The following XKR6 variants were observed in gnomAD, a reference collection of about 807,000 sequenced individuals.
XKR6 encodes the protein XK-related protein 6.
XKR6 carries 22 observed loss-of-function variants against 56.7 expected under a neutral mutation model. The ratio of observed to expected loss-of-function variants is 0.39; its 90% CI spans 0.28 to 0.55. The LOEUF (loss-of-function observed/expected upper bound fraction) is 0.55, where lower values mean the gene tolerates loss of function less well. Among genes scored for constraint, XKR6 ranks in the 20% least tolerant of loss-of-function variants. The probability of loss-of-function intolerance (pLI) is 0.66; values close to 1 mark genes in which losing one functional copy is unlikely to be tolerated. For synonymous variants in XKR6, 524 were observed against 387.8 expected, an observed-to-expected ratio of 1.35 and a Z score of -4.13; for missense variants, 852 against 889.0, an observed-to-expected ratio of 0.96 and a Z score of 0.53.
intron 1 of XKR6, among the ~76,000 whole-genome samples, chr8:11,179,020 CTTTT>C (rs35214787): frequency 9.6e-6 from 1 of 104,518 alleles, no homozygotes; most frequent in Admixed American, 9.7e-5. Context: ...TTTTCTTTTT[CTTTT>C]TTTTTTTTTT....
intron 1 of XKR6, among the ~76,000 whole-genome samples, chr8:10,986,325 G>C (rs749465170): frequency 5.5e-4 from 84 of 152,194 alleles, no homozygotes; most frequent in Non-Finnish European, 5.0e-4. Flanking sequence ...GACAGAATTA[G>C]AAAATAAATA....
chr8:11,027,651 G>A (rs1299912201), intron 1 of XKR6, among the ~76,000 whole-genome samples: 1 of 152,210 alleles, frequency 6.6e-6, no homozygotes, highest in African/African-American at 2.4e-5. Context: ...AGTGGCTCAA[G>A]GCCTTGCAGC....
chr8:11,021,072 T>C (rs1454842587), intron 1 of XKR6, among the ~76,000 whole-genome samples: 1 of 152,116 alleles, frequency 6.6e-6, no homozygotes, highest in Non-Finnish European at 1.5e-5. Flanking sequence ...CTTCTGGCTT[T>C]AAGATACGTC....
Position 11,146,271 on chromosome 8 carries a change from C to A in XKR6, c.764+54305G>T, listed in dbSNP as rs553413594. Reference sequence around the variant, plus strand: ...GTAGAAGAAAATTATAGGAGAAAATCTTTGTGCCCTTGGGCTTGACAAAGA... The same window carrying A: ...GTAGAAGAAAATTATAGGAGAAAATATTTGTGCCCTTGGGCTTGACAAAGA... On this transcript the variant is annotated intron_variant, in intron 1 of 2. Transcript: ENST00000416569. Among the ~76,000 whole-genome samples the A allele has an allele frequency of 5.3e-5, 8 of 152,250 alleles. No individual in the cohort carries two copies. In the South Asian group the frequency reaches 1.0e-3, roughly 20 times the overall value.
chr8:11,007,988 G>A (rs1026974688), intron 1 of XKR6, among the ~76,000 whole-genome samples: 2 of 152,160 alleles, frequency 1.3e-5, no homozygotes, highest in South Asian at 4.1e-4. Flanking sequence ...CTGGATGTGT[G>A]GGTGCTCCCT....
chr8:10,901,933 C>T (rs1395529910), intron 2 of XKR6, among the ~76,000 whole-genome samples: 1 of 152,210 alleles, frequency 6.6e-6, no homozygotes, highest in Non-Finnish European at 1.5e-5. Flanking sequence ...AATTCAAATG[C>T]TCATCAGCCA....
chr8:10,999,726 G>A (rs922834611), intron 1 of XKR6, among the ~76,000 whole-genome samples: 2 of 152,202 alleles, frequency 1.3e-5, no homozygotes, highest in Non-Finnish European at 2.9e-5. Flanking sequence ...GACCAAACAA[G>A]GAGGTAGCAT....
At chr8:10,919,097 G>A (rs1366330554) in intron 2 of XKR6, among the ~76,000 whole-genome samples, 1 of 152,114 alleles carries the variant, frequency 6.6e-6, no homozygotes, top group East Asian at 1.9e-4. Context: ...TTCCCAATTG[G>A]GGCCCTGCCT....
At position 11,104,455 on chromosome 8, in the gene XKR6, A is replaced by C. The variant is rs536788220; in HGVS notation, c.764+96121T>G. 5.4e-4 allele frequency among the ~76,000 whole-genome samples: 82 copies of C among 152,390 alleles called. 1 individual carries two copies. Among genetic ancestry groups the C allele is most frequent in the African/African-American group, 1.9e-3 (79 of 41,600 alleles). On this transcript the variant is annotated intron_variant, in intron 1 of 2. Transcript: ENST00000416569. ...CGAGATATAAAAATGGGTATTCAGCATAAATTTCTCTGGAAAATGTCCTTC... is the reference window on the plus strand; with the variant it reads ...CGAGATATAAAAATGGGTATTCAGCCTAAATTTCTCTGGAAAATGTCCTTC...
chr8:11,143,131 A>G lies in XKR6; in HGVS notation c.764+57445T>C, dbSNP rs1800787826. ...CAAAGTCAAATACCACCATTTTACA[A>G]TCCTTAATAAATTAATAAATCTAGG... On this transcript the variant is annotated intron_variant, in intron 1 of 2. Transcript: ENST00000416569. 2.0e-5 allele frequency among the ~76,000 whole-genome samples: 3 copies of G among 152,242 alleles called. No individual in the cohort carries two copies. In the South Asian group the frequency reaches 6.2e-4, roughly 32 times the overall value.
At chr8:11,046,895 C>A (rs1432895070) in intron 1 of XKR6, among the ~76,000 whole-genome samples, 1 of 151,930 alleles carries the variant, frequency 6.6e-6, no homozygotes, top group East Asian at 1.9e-4. Context: ...AAACCAGGCA[C>A]AGAAAGACAA....
At chr8:10,949,919 A>G (rs1272508518) in intron 1 of XKR6, among the ~76,000 whole-genome samples, 5 of 152,208 alleles carry the variant, frequency 3.3e-5, no homozygotes, top group East Asian at 3.9e-4. Context: ...GTCTTGACTC[A>G]GGGGTCTGCA....
At chr8:11,198,340 C>T (rs1162054876) in intron 1 of XKR6, among the ~76,000 whole-genome samples, 3 of 151,936 alleles carry the variant, frequency 2.0e-5, no homozygotes, top group Non-Finnish European at 4.4e-5. Flanking sequence ...GTAAATACTG[C>T]TTTTGAAGTA....
At chr8:10,912,200 GGTGT>G in intron 2 of XKR6, among the ~76,000 whole-genome samples, 1 of 142,556 alleles carries the variant, frequency 7.0e-6, no homozygotes, top group South Asian at 2.3e-4. Flanking sequence ...AGAGTGGGAT[GGTGT>G]GTGTGTGTAT....
At chr8:10,945,583 A>G (rs927988776) in intron 1 of XKR6, among the ~76,000 whole-genome samples, 9 of 152,222 alleles carry the variant, frequency 5.9e-5, no homozygotes, top group Admixed American at 4.6e-4. Flanking sequence ...AGCTCCCAGA[A>G]GGACAGAGAC....
chr8:11,102,303 C>G (rs567994222), intron 1 of XKR6, among the ~76,000 whole-genome samples: 2 of 152,286 alleles, frequency 1.3e-5, no homozygotes, highest in South Asian at 4.1e-4. Flanking sequence ...TAGTTTACCG[C>G]TGCTAGAATG....
chr8:11,016,460 G>C (rs987801582), intron 1 of XKR6, among the ~76,000 whole-genome samples: 3 of 152,180 alleles, frequency 2.0e-5, no homozygotes, highest in African/African-American at 7.2e-5. Context: ...CTCTCGAGGC[G>C]CAGACAACAA....
intron 1 of XKR6, among the ~76,000 whole-genome samples, chr8:11,042,365 G>A (rs146685589): frequency 0.01 from 1,522 of 152,150 alleles, 31 homozygotes; most frequent in African/African-American, 0.035. Context: ...GGAGGGACCC[G>A]GTGGGAGGTA....
intron 1 of XKR6, among the ~76,000 whole-genome samples, chr8:10,957,466 G>T (rs563334214): frequency 3.3e-4 from 51 of 152,294 alleles, no homozygotes; most frequent in Non-Finnish European, 6.0e-4. Context: ...CCCATGGTGT[G>T]CCCCTCTCCC....
Sources: allele counts gnomAD v4.1 joint callset (sites outside exome capture counted in the v4.1 genomes callset), GRCh38; gene constraint gnomAD v4.1.1; transcripts MANE v1.5; gene names NCBI Gene and HGNC (gene_info 2026-07-23, HGNC 2026-07-21).